The following CYP39A1 variants were observed in gnomAD, a reference collection of about 807,000 sequenced individuals.
The protein encoded by CYP39A1 is cytochrome P450 family 39 subfamily A member 1.
Under a neutral mutation model 58.1 loss-of-function variants are expected in CYP39A1, and 49 were observed. That is an observed-to-expected ratio of 0.84 (90% CI 0.67 to 1.07). The LOEUF is 1.07. Among genes scored for constraint, CYP39A1 ranks in the 50% least tolerant of loss-of-function variants. CYP39A1 has a pLI of 0.00. For missense variants in CYP39A1, 531 were observed against 539.4 expected (o/e 0.98, Z 0.16); for synonymous variants, 209 against 187.6 (o/e 1.11, Z -0.93).
At chr6:46,630,278 G>A (rs573053224) in intron 6 of CYP39A1, among the ~76,000 whole-genome samples, 2 of 152,120 alleles carry the variant, frequency 1.3e-5, no homozygotes, top group South Asian at 2.1e-4. Context: ...AAGGAGAATG[G>A]GTACAAATGG....
chr6:46,623,202 A>G (rs1433215736), intron 7 of CYP39A1, among the ~76,000 whole-genome samples: 1 of 152,136 alleles, frequency 6.6e-6, no homozygotes, highest in Non-Finnish European at 1.5e-5. Flanking sequence ...GTGCCCAGAT[A>G]TTTGACTAAA....
intron 4 of CYP39A1, 29 bp from the exon 5 acceptor site, chr6:46,636,511 T>C: frequency 6.9e-7 from 1 of 1,448,140 alleles, no homozygotes. Context: ...ATATAGAAAT[T>C]AATTGGAAAG....
intron 7 of CYP39A1, among the ~76,000 whole-genome samples, chr6:46,601,801 G>A (rs1398099604): frequency 2.0e-5 from 3 of 151,718 alleles, no homozygotes; most frequent in East Asian, 1.9e-4. Context: ...GATTACAGGC[G>A]TGAGCCACCA....
intron 6 of CYP39A1, among the ~76,000 whole-genome samples, chr6:46,630,305 T>C (rs1440189941): frequency 2.0e-5 from 3 of 152,084 alleles, no homozygotes; most frequent in Non-Finnish European, 4.4e-5. Context: ...AGAGCTAATA[T>C]TCATTGATAC....
chr6:46,643,048 C>G (rs1351596936), intron 1 of CYP39A1, among the ~76,000 whole-genome samples: 1 of 152,140 alleles, frequency 6.6e-6, no homozygotes, highest in Non-Finnish European at 1.5e-5. Flanking sequence ...TTATGACTCT[C>G]TCTCTCCTAC....
intron 7 of CYP39A1, among the ~76,000 whole-genome samples, chr6:46,616,693 G>C (rs1380996251): frequency 6.6e-6 from 1 of 152,094 alleles, no homozygotes; most frequent in African/African-American, 2.4e-5. Context: ...CATATAACGG[G>C]AGTGCAACAA....
Position 46,588,110 on chromosome 6 carries a change from C to G in CYP39A1, c.1085G>C (p.Gly362Ala). 1 of 1,592,846 alleles carries G rather than the reference C, an allele frequency of 6.3e-7. No homozygotes were observed. The highest frequency in any genetic ancestry group is 8.6e-7 in the Non-Finnish European group (1 of 1,168,642). The change falls in exon 9 of 12, where the codon GGT (glycine) becomes GCT (alanine). Residue 362 changes from glycine to alanine, a missense_variant. Coordinates refer to ENST00000275016, the MANE Select transcript of CYP39A1 (RefSeq NM_016593.5). ...AAATGGAGACAACATCAACAAGTCACCAGAAGGAATGATGTAATTCTATAA... is the reference window on the plus strand; with the variant it reads ...AAATGGAGACAACATCAACAAGTCAGCAGAAGGAATGATGTAATTCTATAA... ...VEILNYIIPS[G>A]DLLMLSPFWL... is the part of the protein sequence containing the mutation.
chr6:46,616,015 C>T (rs1158311957), intron 7 of CYP39A1, among the ~76,000 whole-genome samples: 1 of 3,400 alleles, frequency 2.9e-4, no homozygotes. Flanking sequence ...TCCCCCCTCC[C>T]TCCCCCTCCC....
chr6:46,580,849 A>G (rs1288395910), intron 10 of CYP39A1, among the ~76,000 whole-genome samples: 2 of 152,168 alleles, frequency 1.3e-5, no homozygotes, highest in Non-Finnish European at 2.9e-5. Context: ...TCAAAAAATA[A>G]CAGACGTTGG....
intron 10 of CYP39A1, among the ~76,000 whole-genome samples, chr6:46,586,810 T>C (rs956833471): frequency 6.6e-6 from 1 of 152,134 alleles, no homozygotes; most frequent in Non-Finnish European, 1.5e-5. Context: ...GTGTGAAAGC[T>C]GACAATTTGA....
At chr6:46,580,572 T>TA (rs939126330) in intron 10 of CYP39A1, among the ~76,000 whole-genome samples, 2 of 152,094 alleles carry the variant, frequency 1.3e-5, no homozygotes, top group African/African-American at 2.4e-5. Flanking sequence ...ACAGACAATC[T>TA]ACAGAATGGG....
chr6:46,637,293 A>T (rs777322604), intron 4 of CYP39A1, among the ~76,000 whole-genome samples: 4 of 152,236 alleles, frequency 2.6e-5, no homozygotes, highest in Admixed American at 2.0e-4. Context: ...TCTGTTGTTT[A>T]TAAGCCTCCC....
chr6:46,600,744 C>T (rs575623062), intron 7 of CYP39A1, among the ~76,000 whole-genome samples: 1 of 152,312 alleles, frequency 6.6e-6, no homozygotes, highest in East Asian at 1.9e-4. Context: ...TGGGACTCTT[C>T]CAAACCTTGC....
chr6:46,632,443 C>T (rs1775719343), intron 5 of CYP39A1, among the ~76,000 whole-genome samples: 1 of 150,788 alleles, frequency 6.6e-6, no homozygotes, highest in African/African-American at 2.4e-5. Flanking sequence ...TCTTCATGAC[C>T]TTCCCTGGCT....
At chr6:46,626,056 T>G (rs191381350) in intron 6 of CYP39A1, among the ~76,000 whole-genome samples, 6 of 144,638 alleles carry the variant, frequency 4.1e-5, no homozygotes, top group Admixed American at 6.8e-5. Flanking sequence ...AGTCCTTTTT[T>G]TTGGCTTTTT....
chr6:46,603,359 T>C (rs562862291), intron 7 of CYP39A1, among the ~76,000 whole-genome samples: 98 of 152,366 alleles, frequency 6.4e-4, no homozygotes, highest in African/African-American at 2.3e-3. Context: ...CTTATATAAA[T>C]TGACCATTTT....
At chr6:46,645,230 T>C (rs1762247235) in intron 1 of CYP39A1, among the ~76,000 whole-genome samples, 1 of 152,320 alleles carries the variant, frequency 6.6e-6, no homozygotes, top group Middle Eastern at 3.4e-3. Context: ...ATTAGGAAGA[T>C]ATTCTTCTAT....
In CYP39A1 at chr6:46,550,206, T is replaced by C; in HGVS notation, c.*160A>G. Reference sequence around the variant, plus strand: ...GTGATGTTAGATTCTTGGTCTACTGTTGAAGATACCAAACACATGCACCAT... The same window carrying C: ...GTGATGTTAGATTCTTGGTCTACTGCTGAAGATACCAAACACATGCACCAT... On this transcript the variant is annotated 3_prime_UTR_variant, in exon 12 of 12. Transcript: ENST00000275016. The C allele has an allele frequency of 2.0e-6, 1 of 497,912 alleles. No individual in the cohort carries two copies. Among genetic ancestry groups the C allele is most frequent in the East Asian group, 3.2e-5 (1 of 31,340 alleles). The allele number at this position is 497,912 out of a possible 1,614,324, so 30.8% of individuals were successfully genotyped here. A position where few individuals can be genotyped will look rare whatever the true frequency, so the allele number is the denominator to read the frequency against.
At chr6:46,646,485 T>C (rs932929399) in intron 1 of CYP39A1, among the ~76,000 whole-genome samples, 35 of 152,250 alleles carry the variant, frequency 2.3e-4, no homozygotes, top group Non-Finnish European at 1.2e-4. Context: ...TTTTGTTATT[T>C]CTGCATCTAT....
Sources: allele counts gnomAD v4.1 joint callset (sites outside exome capture counted in the v4.1 genomes callset), GRCh38; gene constraint gnomAD v4.1.1; transcripts MANE v1.5; gene names NCBI Gene and HGNC (gene_info 2026-07-23, HGNC 2026-07-21).